The following LRCH1 variants were observed in gnomAD, a reference collection of about 807,000 sequenced individuals.
LRCH1 encodes the protein leucine rich repeats and calponin homology domain containing 1.
Under a neutral mutation model 94.9 loss-of-function variants are expected in LRCH1, and 23 were observed. That is an observed-to-expected ratio of 0.24 (90% CI 0.17 to 0.34). LRCH1 has a LOEUF of 0.34. Among genes scored for constraint, LRCH1 ranks in the 10% least tolerant of loss-of-function variants. The probability of loss-of-function intolerance (pLI) is 1.00; values close to 1 mark genes in which losing one functional copy is unlikely to be tolerated. For missense variants in LRCH1, 790 were observed against 945.9 expected, an observed-to-expected ratio of 0.84 and a Z score of 2.16; for synonymous variants, 364 against 354.9, an observed-to-expected ratio of 1.03 and a Z score of -0.29.
At chr13:46,578,404 G>A (rs1323191035) in intron 1 of LRCH1, among the ~76,000 whole-genome samples, 2 of 152,202 alleles carry the variant, frequency 1.3e-5, no homozygotes, top group African/African-American at 2.4e-5. Context: ...GAAGCAAAAG[G>A]ATGACACATT....
chr13:46,575,554 G>A (rs1260930384), intron 1 of LRCH1, among the ~76,000 whole-genome samples: 1 of 148,754 alleles, frequency 6.7e-6, no homozygotes, highest in Non-Finnish European at 1.5e-5. Context: ...GTTGTGGGGG[G>A]GATGTGGTCT....
intron 1 of LRCH1, among the ~76,000 whole-genome samples, chr13:46,632,403 G>A (rs983428443): frequency 6.6e-6 from 1 of 152,084 alleles, no homozygotes; most frequent in African/African-American, 2.4e-5. Flanking sequence ...AGTAATTGCC[G>A]GTTGAATCAC....
chr13:46,687,799 C>A, intron 5 of LRCH1, 53 bp from the exon 6 acceptor site: 2 of 1,506,454 alleles, frequency 1.3e-6, no homozygotes, highest in Non-Finnish European at 1.8e-6. Flanking sequence ...TTGATACTTA[C>A]ATTTTGTTTT....
intron 1 of LRCH1, among the ~76,000 whole-genome samples, chr13:46,607,274 T>G (rs1420064903): frequency 3.3e-5 from 5 of 152,220 alleles, no homozygotes; most frequent in African/African-American, 1.2e-4. Context: ...CTTCCCAGGC[T>G]TACTTTGCTG....
intron 13 of LRCH1, among the ~76,000 whole-genome samples, chr13:46,710,574 G>C (rs1872010604): frequency 6.6e-6 from 1 of 152,142 alleles, no homozygotes; most frequent in Non-Finnish European, 1.5e-5. Context: ...GGAAAGAATT[G>C]CTTATAGAAA....
chr13:46,575,548 T>TG (rs1441228979), intron 1 of LRCH1, among the ~76,000 whole-genome samples: 1 of 78,120 alleles, frequency 1.3e-5, no homozygotes, highest in South Asian at 4.3e-4. Flanking sequence ...GTGTGTGTTG[T>TG]GGGGGGGATG....
intron 1 of LRCH1, among the ~76,000 whole-genome samples, chr13:46,555,218 T>G (rs942094890): frequency 6.6e-6 from 1 of 152,216 alleles, no homozygotes; most frequent in African/African-American, 2.4e-5. Context: ...TGGAACTTAT[T>G]CCAAGAATTG....
At chr13:46,615,522 C>G (rs1466762785) in intron 1 of LRCH1, among the ~76,000 whole-genome samples, 2 of 152,154 alleles carry the variant, frequency 1.3e-5, no homozygotes, top group Non-Finnish European at 2.9e-5. Flanking sequence ...GAAAAAACCT[C>G]CAAACCTCAT....
intron 18 of LRCH1, among the ~76,000 whole-genome samples, chr13:46,750,255 C>G (rs1425859070): frequency 2.0e-5 from 3 of 152,154 alleles, no homozygotes; most frequent in Admixed American, 2.0e-4. Flanking sequence ...CTCTGTAGCT[C>G]AGTTATTTAG....
chr13:46,566,404 A>G (rs2050184755), intron 1 of LRCH1, among the ~76,000 whole-genome samples: 2 of 152,178 alleles, frequency 1.3e-5, no homozygotes, highest in Admixed American at 1.3e-4. Flanking sequence ...CATAGCTTCA[A>G]CATCTCCCTG....
intron 1 of LRCH1, among the ~76,000 whole-genome samples, chr13:46,558,036 TAAACAAAC>T (rs148392778): frequency 0.036 from 5,393 of 151,726 alleles, 299 homozygotes; most frequent in African/African-American, 0.12. Context: ...GACCCTGCCT[TAAACAAAC>T]AAACAAACAA....
intron 1 of LRCH1, among the ~76,000 whole-genome samples, chr13:46,576,620 A>G (rs2050307893): frequency 6.6e-6 from 1 of 152,210 alleles, no homozygotes; most frequent in East Asian, 1.9e-4. Context: ...TTTCCTTTCA[A>G]TGTTCTCAAC....
At position 46,687,995 on chromosome 13, in the gene LRCH1, A is replaced by G. The variant is rs1870710400; in HGVS notation, c.950+16A>G. 2.5e-6 allele frequency: 4 copies of G among 1,592,320 alleles called. No homozygotes were observed. In the Admixed American group the frequency reaches 7.0e-5, roughly 28 times the overall value. On this transcript the variant is annotated intron_variant, in intron 6 of 19. Coordinates refer to ENST00000389797, the MANE Select transcript of LRCH1 (RefSeq NM_001164211.2). ...TGGAAGATGGGTGAGTCATGCCCTC[A>G]TTCAAAGCCCCAGTTTAAAATTTGC...
At chr13:46,677,360 C>T (rs2051691379) in intron 3 of LRCH1, among the ~76,000 whole-genome samples, 1 of 151,834 alleles carries the variant, frequency 6.6e-6, no homozygotes, top group Non-Finnish European at 1.5e-5. Flanking sequence ...ACCTGGGCGG[C>T]AGAGGTTTGC....
At chr13:46,650,744 A>T (rs1352684432) in intron 2 of LRCH1, among the ~76,000 whole-genome samples, 1 of 49,208 alleles carries the variant, frequency 2.0e-5, no homozygotes, top group East Asian at 8.1e-4. Flanking sequence ...AAAAAAAAAG[A>T]GAAAGCCTGG....
At chr13:46,577,435 A>G (rs958529052) in intron 1 of LRCH1, among the ~76,000 whole-genome samples, 1 of 152,226 alleles carries the variant, frequency 6.6e-6, no homozygotes, top group Non-Finnish European at 1.5e-5. Flanking sequence ...TAATTAGGTC[A>G]GGCCCACTCA....
At chr13:46,675,408 C>G (rs2051658457) in intron 3 of LRCH1, among the ~76,000 whole-genome samples, 1 of 152,100 alleles carries the variant, frequency 6.6e-6, no homozygotes, top group African/African-American at 2.4e-5. Flanking sequence ...ATCATGTCTT[C>G]TAGCTCTTAC....
chr13:46,675,724 C>T (rs1441204874), intron 3 of LRCH1, among the ~76,000 whole-genome samples: 4 of 152,106 alleles, frequency 2.6e-5, no homozygotes, highest in African/African-American at 4.8e-5. Context: ...TTTGTCCATT[C>T]ATTGTCTCTG....
intron 16 of LRCH1, among the ~76,000 whole-genome samples, chr13:46,722,637 CT>C (rs1356185277): frequency 6.6e-6 from 1 of 152,134 alleles, no homozygotes; most frequent in Non-Finnish European, 1.5e-5. Context: ...GCCAGCCTTC[CT>C]AAAAGGTGTC....
Sources: allele counts gnomAD v4.1 joint callset (sites outside exome capture counted in the v4.1 genomes callset), GRCh38; gene constraint gnomAD v4.1.1; transcripts MANE v1.5; gene names NCBI Gene and HGNC (gene_info 2026-07-23, HGNC 2026-07-21).